The following RARB variants were observed in gnomAD, a reference collection of about 807,000 sequenced individuals.
RARB encodes HBV-activated protein.
RARB carries 17 observed loss-of-function variants against 51.9 expected under a neutral mutation model. The ratio of observed to expected loss-of-function variants is 0.33; its 90% confidence interval spans 0.22 to 0.49. The LOEUF is 0.49. Among genes scored for constraint, RARB ranks in the 20% least tolerant of loss-of-function variants. The pLI, the probability that RARB is intolerant of heterozygous loss-of-function variation, is 0.99. For missense variants in RARB, 369 were observed against 550.8 expected, an observed-to-expected ratio of 0.67 and a Z score of 3.30; for synonymous variants, 215 against 195.4, an observed-to-expected ratio of 1.10 and a Z score of -0.84.
intron 2 of RARB, among the ~76,000 whole-genome samples, chr3:24,912,996 T>A (rs866271827): frequency 6.0e-5 from 8 of 133,072 alleles, no homozygotes; most frequent in African/African-American, 2.3e-4. Flanking sequence ...TTTTTTTTTT[T>A]TGGAGACAGA....
chr3:25,154,925 G>C (rs1256994463), intron 4 of RARB, among the ~76,000 whole-genome samples: 1 of 152,182 alleles, frequency 6.6e-6, no homozygotes. Context: ...AGCAGGGGTG[G>C]CATGAGCATG....
intron 5 of RARB, among the ~76,000 whole-genome samples, chr3:25,216,742 T>C (rs142009320): frequency 2.6e-3 from 396 of 151,566 alleles, no homozygotes; most frequent in African/African-American, 8.9e-3. Context: ...TACATATATA[T>C]ATATCTAGTA....
chr3:25,261,793 C>T (rs372668970), intron 5 of RARB, among the ~76,000 whole-genome samples: 276 of 152,258 alleles, frequency 1.8e-3, no homozygotes, highest in African/African-American at 6.4e-3. Context: ...CTTTCTTTAC[C>T]TTCATGCCTT....
chr3:25,540,573 G>T (rs1209854459), intron 3 of RARB, among the ~76,000 whole-genome samples: 1 of 152,088 alleles, frequency 6.6e-6, no homozygotes, highest in Non-Finnish European at 1.5e-5. Flanking sequence ...TGTTTCCCTG[G>T]TAACCAGATT....
chr3:25,039,626 A>T (rs543368129), intron 2 of RARB, among the ~76,000 whole-genome samples: 1 of 152,228 alleles, frequency 6.6e-6, no homozygotes, highest in Non-Finnish European at 1.5e-5. Context: ...TGAAAAAGCT[A>T]ATAAACCATT....
At chr3:24,927,892 G>C (rs143627703) in intron 2 of RARB, among the ~76,000 whole-genome samples, 1 of 152,012 alleles carries the variant, frequency 6.6e-6, no homozygotes, top group African/African-American at 2.4e-5. Context: ...ACTGTGCTCC[G>C]CAGCAAAAGT....
At position 25,454,793 on chromosome 3, in the gene RARB, A is replaced by C. The variant is rs559816817; in HGVS notation, c.158-6400A>C. Among the ~76,000 whole-genome samples the C allele has an allele frequency of 3.3e-5, 5 of 152,372 alleles. No individual in the cohort carries two copies. In the East Asian group the frequency reaches 9.6e-4, roughly 29 times the overall value. ...GGAATTGTGAAGGGAGCTATTGTCGAAGACTTTCTGTGTGTTTAAATGACA... is the reference window on the plus strand; with the variant it reads ...GGAATTGTGAAGGGAGCTATTGTCGCAGACTTTCTGTGTGTTTAAATGACA... On this transcript the variant is annotated intron_variant, in intron 1 of 7. Coordinates refer to ENST00000330688, the MANE Select transcript of RARB (RefSeq NM_000965.5).
chr3:25,001,518 C>A (rs1296496767), intron 2 of RARB, among the ~76,000 whole-genome samples: 1 of 152,072 alleles, frequency 6.6e-6, no homozygotes, highest in Non-Finnish European at 1.5e-5. Flanking sequence ...ATCCATTTTA[C>A]AGGCTGATGT....
intron 2 of RARB, among the ~76,000 whole-genome samples, chr3:24,873,580 C>G (rs531333851): frequency 1.3e-5 from 2 of 150,986 alleles, no homozygotes; most frequent in African/African-American, 4.9e-5. Flanking sequence ...TTTTTTAATT[C>G]TTCAATTCCT....
intron 5 of RARB, among the ~76,000 whole-genome samples, chr3:25,253,486 G>A (rs1266957260): frequency 3.3e-5 from 5 of 152,042 alleles, no homozygotes; most frequent in African/African-American, 1.2e-4. Context: ...CACATACTAG[G>A]TTTTCTAGAG....
At chr3:25,123,846 G>A (rs1426030578) in intron 3 of RARB, among the ~76,000 whole-genome samples, 2 of 152,072 alleles carry the variant, frequency 1.3e-5, no homozygotes, top group African/African-American at 4.8e-5. Flanking sequence ...TCTTCACGTG[G>A]CTATGGGAGA....
intron 3 of RARB, among the ~76,000 whole-genome samples, chr3:25,534,129 A>G (rs1326674121): frequency 1.3e-5 from 2 of 152,226 alleles, no homozygotes; most frequent in African/African-American, 4.8e-5. Context: ...TTTATAATCA[A>G]TCATCAGAAA....
intron 5 of RARB, among the ~76,000 whole-genome samples, chr3:25,286,587 C>T (rs1440418486): frequency 6.6e-6 from 1 of 152,226 alleles, no homozygotes; most frequent in African/African-American, 2.4e-5. Flanking sequence ...AGTTGCTTCT[C>T]ACTACCTAAA....
intron 5 of RARB, among the ~76,000 whole-genome samples, chr3:25,231,654 T>A (rs1215240516): frequency 6.6e-6 from 1 of 152,196 alleles, no homozygotes; most frequent in Non-Finnish European, 1.5e-5. Context: ...CATTTTGGTT[T>A]AAATTTGCAT....
chr3:24,955,117 C>CGGAGGATTTTATTAAGT (rs1695981746), intron 2 of RARB, among the ~76,000 whole-genome samples: 1 of 151,978 alleles, frequency 6.6e-6, no homozygotes, highest in Non-Finnish European at 1.5e-5. Flanking sequence ...GTGATGAATG[C>CGGAGGATTTTATTAAGT]GGAGGATTTT....
chr3:24,946,003 C>T (rs1186668916), intron 2 of RARB, among the ~76,000 whole-genome samples: 6 of 152,278 alleles, frequency 3.9e-5, no homozygotes, highest in South Asian at 2.1e-4. Flanking sequence ...CGGTGGCTCA[C>T]GCCTGTAATC....
intron 2 of RARB, among the ~76,000 whole-genome samples, chr3:24,878,474 T>G (rs551540890): frequency 1.3e-5 from 2 of 152,270 alleles, no homozygotes; most frequent in African/African-American, 4.8e-5. Context: ...GCAAAAGAGC[T>G]GACTGGAGGC....
At chr3:25,107,945 A>G (rs6550950) in intron 3 of RARB, among the ~76,000 whole-genome samples, 84,054 of 151,994 alleles carry the variant, frequency 0.55, 23,927 homozygotes, top group East Asian at 0.83. Context: ...TCTCTGTGGC[A>G]TATCTGAATT....
chr3:25,091,190 C>A (rs1031656129), intron 3 of RARB, among the ~76,000 whole-genome samples: 1 of 152,112 alleles, frequency 6.6e-6, no homozygotes, highest in Non-Finnish European at 1.5e-5. Context: ...ATAAAGAGAT[C>A]TGTACAAGTG....
Sources: allele counts gnomAD v4.1 joint callset (sites outside exome capture counted in the v4.1 genomes callset), GRCh38; gene constraint gnomAD v4.1.1; transcripts MANE v1.5; gene names NCBI Gene and HGNC (gene_info 2026-07-23, HGNC 2026-07-21).